IQSEC1: variants seen among roughly 807,000 people sequenced by gnomAD.
IQSEC1 encodes the protein IQ motif and SEC7 domain-containing protein 1.
In IQSEC1, 31 loss-of-function variants were observed where a neutral mutation model predicts 91.0. The observed-to-expected ratio is 0.34, with a 90% CI of 0.26 to 0.46. The LOEUF (loss-of-function observed/expected upper bound fraction) is 0.46, where lower values mean the gene tolerates loss of function less well. Among genes scored for constraint, IQSEC1 ranks in the 20% least tolerant of loss-of-function variants. The probability of loss-of-function intolerance (pLI) is 1.00; values close to 1 mark genes in which losing one functional copy is unlikely to be tolerated. For missense variants in IQSEC1, 1,388 were observed against 1,575.6 expected (o/e 0.88, Z 2.02); for synonymous variants, 699 against 662.6 (o/e 1.05, Z -0.84).
rs539536582 is a variant in IQSEC1, at chr3:13,027,690, G to A, written c.23+45302C>T. On this transcript the variant is annotated intron_variant, in intron 1 of 13. Transcript: ENST00000613206. ...CTGGAAAAATGGAGGTTCCATCCACGGTGACAGGGACACAGGGATGGCCAG... is the reference window on the plus strand; with the variant it reads ...CTGGAAAAATGGAGGTTCCATCCACAGTGACAGGGACACAGGGATGGCCAG... 1.5e-4 allele frequency among the ~76,000 whole-genome samples: 23 copies of A among 152,282 alleles called. 1 individual carries two copies. Among genetic ancestry groups the A allele is most frequent in the African/African-American group, 5.1e-4 (21 of 41,558 alleles).
At position 12,899,368 on chromosome 3, in the gene IQSEC1, G is replaced by A. The variant is rs1340125712; in HGVS notation, c.*1615C>T. 4.3e-6 allele frequency: 7 copies of A among 1,612,250 alleles called. No homozygotes were observed. Among genetic ancestry groups the A allele is most frequent in the East Asian group, 2.2e-5 (1 of 44,842 alleles). ...GCCTCCGCCTGGGCAGGCGCCGGGG[G>A]GCAGTCCTCGGGTCCCATGGCTTAG... On this transcript the variant is annotated 3_prime_UTR_variant, in exon 14 of 14. Transcript: ENST00000613206.
intron 1 of IQSEC1, among the ~76,000 whole-genome samples, chr3:12,945,485 A>G (rs572111730): frequency 2.7e-5 from 4 of 149,722 alleles, no homozygotes; most frequent in African/African-American, 4.9e-5. Flanking sequence ...TGTCCAGTCT[A>G]TTGAATAGCA....
chr3:12,923,058 C>T (rs1056174550), intron 4 of IQSEC1, among the ~76,000 whole-genome samples: 2 of 152,120 alleles, frequency 1.3e-5, no homozygotes, highest in Non-Finnish European at 2.9e-5. Flanking sequence ...CTCCTCTGAG[C>T]GCTCAAGGCC....
At chr3:13,277,106 TAAAAAAAAAAAAAA>T (rs4034193) in intron 1 of IQSEC1, among the ~76,000 whole-genome samples, 10 of 35,974 alleles carry the variant, frequency 2.8e-4, no homozygotes, top group African/African-American at 4.0e-4. Flanking sequence ...TGCTCCTCCT[TAAAAAAAAAAAAAA>T]AAAAAAAAAA....
In IQSEC1 at chr3:13,261,178, C is replaced by T. The variant is rs1036123402; in HGVS notation, c.272+21533G>A. Among the ~76,000 whole-genome samples, 4 of 152,302 alleles carry T rather than the reference C, an allele frequency of 2.6e-5. No individual in the cohort carries two copies. The East Asian group carries it at 7.7e-4, about 29-fold the overall frequency. Reference sequence around the variant, plus strand: ...CCCTCCAGGACCTGTTCCCTGTCCCCGCCTGCCAGGAGTGCTGGCTGCTGA... The same window carrying T: ...CCCTCCAGGACCTGTTCCCTGTCCCTGCCTGCCAGGAGTGCTGGCTGCTGA... On this transcript the variant is annotated intron_variant, in intron 1 of 15. Coordinates refer to the IQSEC1 transcript ENST00000648114.
chr3:13,247,120 C>T (rs774050143), intron 1 of IQSEC1, among the ~76,000 whole-genome samples: 4 of 152,140 alleles, frequency 2.6e-5, no homozygotes, highest in Non-Finnish European at 4.4e-5. Context: ...GGTCTGATAC[C>T]GGACTTGCCT....
intron 1 of IQSEC1, among the ~76,000 whole-genome samples, chr3:13,037,615 C>T (rs944953240): frequency 2.6e-5 from 4 of 152,140 alleles, no homozygotes; most frequent in East Asian, 1.9e-4. Context: ...ACAACACAAG[C>T]GTCCATTCGT....
chr3:13,280,969 A>T (rs1472728586), intron 1 of IQSEC1, among the ~76,000 whole-genome samples: 3 of 152,122 alleles, frequency 2.0e-5, no homozygotes, highest in Non-Finnish European at 4.4e-5. Context: ...CCTGGATGCA[A>T]CCCAGGGGGA....
At chr3:13,066,975 C>CA (rs1233770805) in intron 1 of IQSEC1, among the ~76,000 whole-genome samples, 1 of 152,206 alleles carries the variant, frequency 6.6e-6, no homozygotes, top group Non-Finnish European at 1.5e-5. Context: ...TGGCAGACAC[C>CA]ACTCCTCCCA....
intron 1 of IQSEC1, among the ~76,000 whole-genome samples, chr3:13,274,432 G>C (rs556973219): frequency 3.3e-5 from 5 of 152,256 alleles, no homozygotes; most frequent in Non-Finnish European, 7.3e-5. Context: ...CTGTGCTCCT[G>C]CGGTTCCCAC....
Position 12,900,874 on chromosome 3 carries a change from G to C in IQSEC1, c.*109C>G, listed in dbSNP as rs1694186589. On this transcript the variant is annotated 3_prime_UTR_variant, in exon 14 of 14. Transcript: ENST00000613206. Reference sequence around the variant, plus strand: ...GTTGGGCCGTGAGGGGCAGAGGGGAGAGATGGCAACAGAAGTGCCCCGGGT... The same window carrying C: ...GTTGGGCCGTGAGGGGCAGAGGGGACAGATGGCAACAGAAGTGCCCCGGGT... The C allele has an allele frequency of 1.1e-5, 17 of 1,533,998 alleles. No homozygotes were observed. The highest frequency in any genetic ancestry group is 1.5e-5 in the Non-Finnish European group (17 of 1,145,840).
At chr3:12,907,862 G>C (rs1409054747) in intron 12 of IQSEC1, among the ~76,000 whole-genome samples, 1 of 152,238 alleles carries the variant, frequency 6.6e-6, no homozygotes, top group East Asian at 1.9e-4. Flanking sequence ...CTCTGGGCTG[G>C]ACGAGGCCCG....
chr3:13,233,167 C>T (rs948737722), intron 1 of IQSEC1, among the ~76,000 whole-genome samples: 4 of 152,208 alleles, frequency 2.6e-5, no homozygotes, highest in Non-Finnish European at 4.4e-5. Context: ...CAAAGTGTCA[C>T]GTGAGGTGCT....
chr3:13,172,206 G>A (rs1261419307), intron 1 of IQSEC1, among the ~76,000 whole-genome samples: 1 of 152,228 alleles, frequency 6.6e-6, no homozygotes, highest in Non-Finnish European at 1.5e-5. Flanking sequence ...AAGTCCTCCG[G>A]GCACAGCAAG....
intron 1 of IQSEC1, among the ~76,000 whole-genome samples, chr3:12,977,534 C>T (rs962841583): frequency 1.2e-4 from 18 of 152,224 alleles, no homozygotes; most frequent in Non-Finnish European, 2.2e-4. Context: ...TCCTTCAGAA[C>T]ATCTCACCTG....
chr3:13,265,375 G>A (rs2125135914), intron 1 of IQSEC1, among the ~76,000 whole-genome samples: 1 of 152,328 alleles, frequency 6.6e-6, no homozygotes, highest in South Asian at 2.1e-4. Context: ...CAACACTTGG[G>A]CCCCAGGGGG....
intron 1 of IQSEC1, among the ~76,000 whole-genome samples, chr3:13,265,590 G>A (rs1015435498): frequency 1.3e-5 from 2 of 152,188 alleles, no homozygotes; most frequent in Non-Finnish European, 2.9e-5. Context: ...GGGTGGGACA[G>A]TTCCTCCAGG....
At chr3:13,013,111 C>T (rs1008701583) in intron 1 of IQSEC1, among the ~76,000 whole-genome samples, 1 of 152,132 alleles carries the variant, frequency 6.6e-6, no homozygotes, top group South Asian at 2.1e-4. Context: ...CCGGCATGCG[C>T]CACCACGCCC....
chr3:12,959,202 C>T (rs778614949), intron 1 of IQSEC1, among the ~76,000 whole-genome samples: 61 of 152,258 alleles, frequency 4.0e-4, no homozygotes, highest in Non-Finnish European at 6.8e-4. Flanking sequence ...GCCCAGGGAC[C>T]CCCAGTGCTG....
Sources: allele counts gnomAD v4.1 joint callset (sites outside exome capture counted in the v4.1 genomes callset), GRCh38; gene constraint gnomAD v4.1.1; transcripts MANE v1.5; gene names NCBI Gene and HGNC (gene_info 2026-07-23, HGNC 2026-07-21).